The following SPAG16 variants were observed in gnomAD, a reference collection of about 807,000 sequenced individuals.
SPAG16 encodes sperm associated antigen 16, also known as sperm-associated antigen 16 protein.
In SPAG16, 86 loss-of-function variants were observed where a neutral mutation model predicts 80.4. That is an observed-to-expected ratio of 1.07 (90% CI 0.90 to 1.28). The LOEUF is 1.28. SPAG16 is among the 50% of genes most tolerant of loss of function. The pLI is 0.00. For synonymous variants in SPAG16, 294 were observed against 265.9 expected, an observed-to-expected ratio of 1.11 and a Z score of -1.03; for missense variants, 870 against 765.3, an observed-to-expected ratio of 1.14 and a Z score of -1.61.
At chr2:213,794,389 A>T (rs1426772211) in intron 10 of SPAG16, among the ~76,000 whole-genome samples, 1 of 152,120 alleles carries the variant, frequency 6.6e-6, no homozygotes, top group South Asian at 2.1e-4. Flanking sequence ...TAATTTCATA[A>T]GTAGTATTTT....
At chr2:213,386,872 A>G (rs1032587186) in intron 9 of SPAG16, among the ~76,000 whole-genome samples, 2 of 152,158 alleles carry the variant, frequency 1.3e-5, no homozygotes, top group African/African-American at 4.8e-5. Context: ...ATTTCATTTT[A>G]CCTGTGGAAT....
intron 15 of SPAG16, among the ~76,000 whole-genome samples, chr2:214,155,846 C>T (rs1230340276): frequency 6.6e-6 from 1 of 152,010 alleles, no homozygotes; most frequent in Non-Finnish European, 1.5e-5. Context: ...TTACTCTTGC[C>T]CCTGTTTTAT....
rs563426180 is a variant in SPAG16, at chr2:214,335,711, T to G, written c.1721-74429T>G. ...ATAAATGTTTTTCTTTCCTGTGTTA[T>G]GTTTAGATATCAACCATATGTCTAT... On this transcript the variant is annotated intron_variant, in intron 15 of 15. Coordinates refer to ENST00000331683, the MANE Select transcript of SPAG16 (RefSeq NM_024532.5). 2.2e-4 allele frequency among the ~76,000 whole-genome samples: 34 copies of G among 151,770 alleles called. No individual in the cohort carries two copies. The South Asian group carries it at 2.9e-3, about 13-fold the overall frequency.
In SPAG16 at chr2:214,039,903, G is replaced by A. The variant is rs150644620; in HGVS notation, c.1527+25826G>A. Among the ~76,000 whole-genome samples, 418 of 152,302 alleles carry A rather than the reference G, an allele frequency of 2.7e-3. 1 individual carries two copies. Among genetic ancestry groups the A allele is most frequent in the Middle Eastern group, 0.017 (5 of 294 alleles). ...AAGATAGTTTGGGTGAGCGGTGGGG[G>A]TGGTTAGGCTTGCAGCCTAGGGTTG... On this transcript the variant is annotated intron_variant, in intron 13 of 15. Coordinates refer to ENST00000331683, the MANE Select transcript of SPAG16 (RefSeq NM_024532.5).
chr2:214,309,753 A>T (rs1695155550), intron 15 of SPAG16, among the ~76,000 whole-genome samples: 1 of 152,042 alleles, frequency 6.6e-6, no homozygotes, highest in East Asian at 1.9e-4. Flanking sequence ...TTGAACCTTG[A>T]GGTTTGGAGT....
intron 10 of SPAG16, among the ~76,000 whole-genome samples, chr2:213,616,321 T>C (rs1207602105): frequency 2.0e-5 from 3 of 152,266 alleles, no homozygotes; most frequent in Non-Finnish European, 4.4e-5. Context: ...TATAAATTAA[T>C]GTGTTGGCAC....
intron 10 of SPAG16, among the ~76,000 whole-genome samples, chr2:213,700,803 T>C (rs1207273687): frequency 1.3e-5 from 2 of 152,226 alleles, no homozygotes; most frequent in African/African-American, 2.4e-5. Context: ...ATTTCTTTTA[T>C]AAGGTTTCCT....
intron 10 of SPAG16, among the ~76,000 whole-genome samples, chr2:213,688,221 T>C (rs1239072971): frequency 1.3e-5 from 2 of 152,160 alleles, no homozygotes; most frequent in Non-Finnish European, 2.9e-5. Context: ...AAGATAAAGA[T>C]TGTGGAGACC....
chr2:214,038,561 CTTTAAG>C (rs1463904618), intron 13 of SPAG16, among the ~76,000 whole-genome samples: 1 of 151,218 alleles, frequency 6.6e-6, no homozygotes, highest in Non-Finnish European at 1.5e-5. Flanking sequence ...TTTTTTAATA[CTTTAAG>C]TTTTAGGGTA....
intron 14 of SPAG16, among the ~76,000 whole-genome samples, chr2:214,117,959 C>T (rs1424723596): frequency 6.6e-6 from 1 of 152,162 alleles, no homozygotes; most frequent in Non-Finnish European, 1.5e-5. Context: ...ATATGCCTAT[C>T]TTTACTATTT....
At chr2:213,666,334 C>T (rs989213701) in intron 10 of SPAG16, among the ~76,000 whole-genome samples, 6 of 152,056 alleles carry the variant, frequency 3.9e-5, no homozygotes, top group Admixed American at 1.3e-4. Flanking sequence ...ACAATACTAT[C>T]ATTCCCCCCT....
chr2:214,124,873 C>T (rs1412320956), intron 14 of SPAG16, among the ~76,000 whole-genome samples: 1 of 151,748 alleles, frequency 6.6e-6, no homozygotes, highest in Non-Finnish European at 1.5e-5. Context: ...TTCACCTTGC[C>T]CTTGGGCTGT....
Position 213,339,024 on chromosome 2 carries a change from T to TAA in SPAG16, c.537-1126_537-1125dup, listed in dbSNP as rs11329467. On this transcript the variant is annotated intron_variant, in intron 5 of 15. Coordinates refer to ENST00000331683, the MANE Select transcript of SPAG16 (RefSeq NM_024532.5). ...CAACTTGCACCTGTGCCCCAGAACT[T>TAA]AAAAAAAAAAAAAAGAAAAGAAGAA... Among the ~76,000 whole-genome samples, 1,175 of 146,238 alleles carry TAA rather than the reference T, an allele frequency of 8.0e-3. 12 individuals carry two copies. Among genetic ancestry groups the TAA allele is most frequent in the African/African-American group, 0.028 (1,121 of 39,878 alleles).
At chr2:213,319,370 C>T (rs1238871255) in intron 5 of SPAG16, among the ~76,000 whole-genome samples, 3 of 151,834 alleles carry the variant, frequency 2.0e-5, no homozygotes, top group Non-Finnish European at 4.4e-5. Context: ...CAAGTATTAT[C>T]TGTACTTGTA....
At position 214,336,052 on chromosome 2, in the gene SPAG16, C is replaced by A. The variant is rs1430790492; in HGVS notation, c.1721-74088C>A. 2.6e-5 allele frequency among the ~76,000 whole-genome samples: 4 copies of A among 152,078 alleles called. No homozygotes were observed. The South Asian group carries it at 8.3e-4, about 32-fold the overall frequency. On this transcript the variant is annotated intron_variant, in intron 15 of 15. Transcript: ENST00000331683. ...GATTATGGCTGTGAGCCACCACGCCCAAGCCTATTATTAGGATTCACTTTA... is the reference window on the plus strand; with the variant it reads ...GATTATGGCTGTGAGCCACCACGCCAAAGCCTATTATTAGGATTCACTTTA...
chr2:213,821,113 G>A (rs902748815), intron 10 of SPAG16, among the ~76,000 whole-genome samples: 14 of 151,754 alleles, frequency 9.2e-5, no homozygotes, highest in African/African-American at 3.1e-4. Flanking sequence ...GTGAATTCTT[G>A]TCTTTTATAG....
At chr2:213,408,458 A>G (rs931622660) in intron 9 of SPAG16, among the ~76,000 whole-genome samples, 2 of 152,280 alleles carry the variant, frequency 1.3e-5, no homozygotes, top group Non-Finnish European at 2.9e-5. Context: ...CCTAAGTCAA[A>G]AAAAGCAAAA....
At chr2:213,501,897 A>C (rs1374825970) in intron 10 of SPAG16, among the ~76,000 whole-genome samples, 1 of 152,214 alleles carries the variant, frequency 6.6e-6, no homozygotes, top group Non-Finnish European at 1.5e-5. Flanking sequence ...TTTAAAAAAC[A>C]AGCCAACAAA....
rs200457678 is a variant in SPAG16 at position 213,297,347 on chromosome 2, C to T, written c.269C>T (p.Thr90Ile). The T allele has an allele frequency of 7.5e-6, 12 of 1,607,520 alleles. No individual in the cohort carries two copies. The highest frequency in any genetic ancestry group is 4.4e-5 in the South Asian group (4 of 90,104). ...ATGGCCCAAGAACAGGCTACAGATA[C>T]TGAAATTTTGGTGAGAATTTGAACA... is the stretch of plus-strand genomic sequence containing the variant. ...IQMAQEQATD[T>I]EILERKTVLP... Residue 90 changes from threonine (T) to isoleucine (I), a missense_variant, in exon 3 of 16, where the codon ACT becomes ATT. Coordinates refer to ENST00000331683, the MANE Select transcript of SPAG16 (RefSeq NM_024532.5).
Sources: gnomAD v4.1 joint callset for allele counts (sites outside exome capture counted in the v4.1 genomes callset) on GRCh38, gnomAD v4.1.1 for gene constraint, MANE v1.5 for transcripts, NCBI Gene and HGNC (gene_info 2026-07-23, HGNC 2026-07-21) for gene names.